The following MYT1L variants were observed in gnomAD, a reference collection of about 807,000 sequenced individuals.
MYT1L encodes myelin transcription factor 1 like.
In MYT1L, 12 loss-of-function variants were observed where a neutral mutation model predicts 126.7. The ratio of observed to expected loss-of-function variants is 0.09; its 90% CI spans 0.06 to 0.15. MYT1L has a LOEUF of 0.15. MYT1L is among the 10% of genes least tolerant of loss of function. The pLI, the probability that MYT1L is intolerant of heterozygous loss-of-function variation, is 1.00. For missense variants in MYT1L, 979 were observed against 1,585.2 expected (o/e 0.62, Z 6.49); for synonymous variants, 541 against 604.2 (o/e 0.90, Z 1.53).
chr2:2,273,420 G>A (rs2095303515), intron 2 of MYT1L, among the ~76,000 whole-genome samples: 2 of 152,206 alleles, frequency 1.3e-5, no homozygotes, highest in Non-Finnish European at 2.9e-5. Flanking sequence ...TCATGTTCCT[G>A]TAGGACTGGG....
chr2:2,204,491 G>A (rs1193052155), intron 2 of MYT1L, among the ~76,000 whole-genome samples: 1 of 148,290 alleles, frequency 6.7e-6, no homozygotes, highest in Non-Finnish European at 1.5e-5. Flanking sequence ...CATTTATGCA[G>A]CCAAAAAACA....
chr2:1,939,815 C>T (rs1247796288), intron 9 of MYT1L, among the ~76,000 whole-genome samples: 7 of 152,322 alleles, frequency 4.6e-5, no homozygotes, highest in East Asian at 1.9e-4. Context: ...CTGCAGGTGA[C>T]GTTGGCTAAA....
chr2:2,046,655 G>C (rs2068224142), intron 4 of MYT1L, among the ~76,000 whole-genome samples: 1 of 152,184 alleles, frequency 6.6e-6, no homozygotes, highest in Admixed American at 6.5e-5. Context: ...AGCCACACTT[G>C]GTTCTTGCAG....
Position 2,229,955 on chromosome 2 carries a change from A to C in MYT1L, c.-421+54449T>G, listed in dbSNP as rs1227593060. Among the ~76,000 whole-genome samples, 3 of 152,152 alleles carry C rather than the reference A, an allele frequency of 2.0e-5. No individual in the cohort carries two copies. In the East Asian group the frequency reaches 5.8e-4, roughly 29 times the overall value. On this transcript the variant is annotated intron_variant, in intron 2 of 24. Transcript: ENST00000647738. ...AAACCATTTGTTTTAAATTCCTTGC[A>C]TTATTAAGCAGAGAATTTTACTTGA...
chr2:2,132,574 G>C (rs2082519000), intron 3 of MYT1L, among the ~76,000 whole-genome samples: 1 of 151,826 alleles, frequency 6.6e-6, no homozygotes, highest in Non-Finnish European at 1.5e-5. Flanking sequence ...GGGCCTGTCG[G>C]GGGGTGGGGG....
In MYT1L at chr2:1,848,758, CTCCA is replaced by C. The variant is rs1163880004; in HGVS notation, c.2774+2879_2774+2882del. On this transcript the variant is annotated intron_variant, in intron 19 of 24. Transcript: ENST00000647738. The surrounding 1 kb of genome is among the most constrained non-coding windows in gnomAD (Gnocchi z 4.8). Reference sequence around the variant, plus strand: ...AGAACTGCACTTGTTTTGCTGGGGCCTCCATCTTCCTTTAGCGGGGGCTTTATGT... The same window carrying C: ...AGAACTGCACTTGTTTTGCTGGGGCCTCTTCCTTTAGCGGGGGCTTTATGT... Among the ~76,000 whole-genome samples the C allele has an allele frequency of 1.3e-5, 2 of 152,124 alleles. No homozygotes were observed. The highest frequency in any genetic ancestry group is 3.9e-4 in the East Asian group (2 of 5,162).
chr2:2,274,801 TGGA>T (rs2095326487), intron 2 of MYT1L, among the ~76,000 whole-genome samples: 1 of 151,998 alleles, frequency 6.6e-6, no homozygotes, highest in African/African-American at 2.4e-5. Flanking sequence ...CACGGTAAGA[TGGA>T]GGAGAAGTGG....
intron 2 of MYT1L, among the ~76,000 whole-genome samples, chr2:2,212,694 T>C (rs762910226): frequency 2.0e-5 from 3 of 152,246 alleles, no homozygotes; most frequent in Non-Finnish European, 2.9e-5. Context: ...TTAGCCTTAA[T>C]TGTTAACATT....
At chr2:2,317,670 T>C (rs755437592) in intron 1 of MYT1L, among the ~76,000 whole-genome samples, 1 of 152,184 alleles carries the variant, frequency 6.6e-6, no homozygotes, top group African/African-American at 2.4e-5. Flanking sequence ...TGGAAAGTAA[T>C]GGAAAAATGA....
chr2:1,832,075 G>A (rs1324137745), intron 21 of MYT1L, among the ~76,000 whole-genome samples: 4 of 152,156 alleles, frequency 2.6e-5, no homozygotes, highest in Non-Finnish European at 4.4e-5. Flanking sequence ...TGTCCCTCGA[G>A]GTTCCTGTGT....
At chr2:2,028,699 G>C (rs2065901424) in intron 4 of MYT1L, among the ~76,000 whole-genome samples, 1 of 152,312 alleles carries the variant, frequency 6.6e-6, no homozygotes, top group African/African-American at 2.4e-5. Flanking sequence ...CACAAACATT[G>C]ATTTGTCAAT....
chr2:2,198,291 G>A (rs1185818952), intron 2 of MYT1L, among the ~76,000 whole-genome samples: 2 of 152,092 alleles, frequency 1.3e-5, no homozygotes, highest in African/African-American at 4.8e-5. Context: ...CCCAGGAGTG[G>A]TTGGCCAACC....
At chr2:2,098,701 C>T (rs1226433069) in intron 3 of MYT1L, among the ~76,000 whole-genome samples, 1 of 151,968 alleles carries the variant, frequency 6.6e-6, no homozygotes, top group Admixed American at 6.6e-5. Context: ...TAAAAGCAAA[C>T]AAAAGAAAAA....
chr2:2,093,942 T>C (rs1287942095), intron 3 of MYT1L, among the ~76,000 whole-genome samples: 1 of 152,232 alleles, frequency 6.6e-6, no homozygotes, highest in Admixed American at 6.5e-5. Context: ...ATTTGTTAAA[T>C]AGGGAGTCCT....
At chr2:1,812,617 C>T (rs2036847038) in intron 21 of MYT1L, among the ~76,000 whole-genome samples, 1 of 152,108 alleles carries the variant, frequency 6.6e-6, no homozygotes, top group East Asian at 1.9e-4. Flanking sequence ...GTGGTTCATG[C>T]CTGTAATCCT....
At chr2:1,854,235 C>T (rs1219655486) in intron 18 of MYT1L, among the ~76,000 whole-genome samples, 3 of 152,122 alleles carry the variant, frequency 2.0e-5, no homozygotes, top group Non-Finnish European at 2.9e-5. Flanking sequence ...AAATACAACT[C>T]ACAACTGCTA....
Position 1,943,214 on chromosome 2 carries a change from G to A in MYT1L, c.273C>T (p.Asp91=), listed in dbSNP as rs575777422. 6.6e-4 allele frequency: 1,023 copies of A among 1,551,964 alleles called. 12 individuals are homozygous for A. The South Asian group carries it at 0.011, about 16-fold the overall frequency. Residue 91 remains aspartate (D), a synonymous_variant, in exon 9 of 25, where the codon GAC becomes GAT. Transcript: ENST00000647738. This position sits in a 1 kb window ranked among gnomAD's most constrained non-coding sequence, Gnocchi z 4.4. ...KADSSSVDEC[D]DSDGTEDMDE... is the part of the protein sequence containing the mutation. Reference sequence around the variant, plus strand: ...CCATGTCCTCAGTCCCATCACTGTCGTCACACTCATCCACTGAGGAGCTGT... The same window carrying A: ...CCATGTCCTCAGTCCCATCACTGTCATCACACTCATCCACTGAGGAGCTGT...
chr2:1,908,694 G>C (rs796476782), intron 13 of MYT1L, among the ~76,000 whole-genome samples: 30 of 152,320 alleles, frequency 2.0e-4, no homozygotes, highest in African/African-American at 7.0e-4. Context: ...TTTTCATGTT[G>C]CCAATAATTA....
intron 2 of MYT1L, among the ~76,000 whole-genome samples, chr2:2,217,692 AACAACAACAACAAC>A: frequency 2.0e-5 from 2 of 101,094 alleles, no homozygotes; most frequent in African/African-American, 9.7e-5. Context: ...CAACAACAAC[AACAACAACAACAAC>A]AAAAAAAAAA....
Sources: gnomAD v4.1 joint callset for allele counts (sites outside exome capture counted in the v4.1 genomes callset) on GRCh38, gnomAD v4.1.1 for gene constraint, Gnocchi (gnomAD v3.1) non-coding constraint, MANE v1.5 for transcripts, NCBI Gene and HGNC (gene_info 2026-07-23, HGNC 2026-07-21) for gene names.